Variants in NLRC5 observed in about 807,000 individuals in gnomAD.
NLRC5 encodes NLR family CARD domain containing 5, also known as protein NLRC5.
A neutral mutation model predicts 206.9 loss-of-function variants in NLRC5; 114 were observed. That is an observed-to-expected ratio of 0.55 (90% CI 0.47 to 0.64). The LOEUF (loss-of-function observed/expected upper bound fraction) is 0.64. NLRC5 is among the 30% of genes least tolerant of loss of function. NLRC5 has a pLI of 0.00. For synonymous variants in NLRC5, 952 were observed against 962.8 expected (o/e 0.99, Z 0.21); for missense variants, 2,008 against 2,305.5 (o/e 0.87, Z 2.64).
rs34929916 is a variant in NLRC5, at chr16:57,026,587, A to G, written c.1644A>G (p.Val548=). The change falls in exon 6 of 49, where the codon GTA becomes GTG. Residue 548 remains valine, a synonymous_variant. Coordinates refer to ENST00000688547, the MANE Select transcript of NLRC5 (RefSeq NM_001384950.1). ...TQYVTLHSRW[V]QRTKARLGLS... is the part of the protein sequence containing the mutation. ...ATGTTACCCTCCATTCCCGCTGGGT[A>G]CAGCGGACCAAAGCTAGACTGGGCC... is the stretch of plus-strand genomic sequence containing the variant. 48 of 1,614,056 alleles carry G rather than the reference A, an allele frequency of 3.0e-5. No individual in the cohort carries two copies. The African/African-American group carries it at 6.0e-4, about 20-fold the overall frequency.
chr16:57,071,665 G>A (rs577243470), intron 38 of NLRC5, among the ~76,000 whole-genome samples: 4 of 141,186 alleles, frequency 2.8e-5, no homozygotes, highest in African/African-American at 1.1e-4. Flanking sequence ...AAGGGAGTGA[G>A]TGGTGATGGT....
intron 39 of NLRC5, 67 bp from the exon 40 acceptor site, chr16:57,076,752 T>C: frequency 6.9e-7 from 1 of 1,459,220 alleles, no homozygotes; most frequent in Non-Finnish European, 9.6e-7. Context: ...TGTAGAGTTC[T>C]TAGCACAGCA....
chr16:57,059,106 C>G, intron 29 of NLRC5, 45 bp downstream of exon 29: 1 of 1,612,908 alleles, frequency 6.2e-7, no homozygotes. Context: ...TGCTGGCCAA[C>G]AGGTGCCCCT....
In NLRC5 at chr16:57,023,774, T is replaced by C. The variant is rs374657503; in HGVS notation, c.356-11T>C. ...GACCCCACTCCTCCACCCCTTCCTT[T>C]GCTTTTTCAGGCCTGAAGCGCCCAC... is the stretch of plus-strand genomic sequence containing the variant. On this transcript the variant is annotated splice_polypyrimidine_tract_variant and intron_variant, in intron 4 of 48. Coordinates refer to ENST00000688547, the MANE Select transcript of NLRC5 (RefSeq NM_001384950.1). 2 of 1,608,922 alleles carry C rather than the reference T, an allele frequency of 1.2e-6. No individual in the cohort carries two copies. The highest frequency in any genetic ancestry group is 1.7e-6 in the Non-Finnish European group (2 of 1,177,182).
chr16:57,070,248 G>GGTGTGT (rs36048473), intron 37 of NLRC5, among the ~76,000 whole-genome samples: 3,026 of 149,912 alleles, frequency 0.02, 95 homozygotes, highest in African/African-American at 0.068. Flanking sequence ...AGAACAAGAG[G>GGTGTGT]GTGTGTGTGT....
At chr16:57,077,012 C>T (rs2068486212) in intron 40 of NLRC5, 110 bp downstream of exon 40, 2 of 948,838 alleles carry the variant, frequency 2.1e-6, no homozygotes, top group Non-Finnish European at 3.3e-6. Flanking sequence ...ATCTCCTTCA[C>T]CCACTTCTAC....
intron 3 of NLRC5, 80 bp downstream of exon 3, chr16:57,021,087 C>A: frequency 7.5e-7 from 1 of 1,330,738 alleles, no homozygotes; most frequent in Non-Finnish European, 1.1e-6. Flanking sequence ...CAGGGACCCA[C>A]CTAAGTCAGA....
chr16:57,041,465 G>A lies in NLRC5; in HGVS notation c.2940-20G>A, dbSNP rs754035619. On this transcript the variant is annotated intron_variant, in intron 17 of 48. Coordinates refer to ENST00000688547, the MANE Select transcript of NLRC5 (RefSeq NM_001384950.1). The stretch of plus-strand genomic sequence containing the variant: ...TCTGTTCAGTGGGGCATGCAGCACT[G>A]TGTTTTTGTCCCTGGGCAGGCTGAC... 5 of 1,599,292 alleles carry A rather than the reference G, an allele frequency of 3.1e-6. No individual in the cohort carries two copies. Among genetic ancestry groups the A allele is most frequent in the Non-Finnish European group, 4.3e-6 (5 of 1,170,016 alleles).
chr16:57,014,348 C>A (rs1185919025), intron 1 of NLRC5, among the ~76,000 whole-genome samples: 1 of 152,124 alleles, frequency 6.6e-6, no homozygotes, highest in African/African-American at 2.4e-5. Flanking sequence ...ATCCAAGAAT[C>A]TTAAAGTTTG....
intron 20 of NLRC5, chr16:57,043,951 C>T (rs915758251): frequency 6.5e-6 from 2 of 307,448 alleles, no homozygotes; most frequent in African/African-American, 2.2e-5. Context: ...GCACAACATA[C>T]AGGTTTGTTA....
At chr16:56,991,803 C>T (rs2056909769) in intron 1 of NLRC5, 1 of 150,674 alleles carries the variant, frequency 6.6e-6, no homozygotes, top group Non-Finnish European at 1.5e-5. Context: ...CCAGCCATAA[C>T]TTCTTAGCAT....
chr16:57,008,275 G>C (rs2059135209), intron 1 of NLRC5, among the ~76,000 whole-genome samples: 1 of 152,076 alleles, frequency 6.6e-6, no homozygotes, highest in Admixed American at 6.5e-5. Context: ...TTTTGTTTGA[G>C]CACTTACATT....
chr16:57,058,818 T>G (rs574869631), intron 28 of NLRC5, among the ~76,000 whole-genome samples, 154 bp from the exon 29 acceptor site: 2 of 152,286 alleles, frequency 1.3e-5, no homozygotes, highest in East Asian at 3.9e-4. Flanking sequence ...ATGGTATCCT[T>G]CTGGGCCTCA....
chr16:57,041,635 G>T, intron 18 of NLRC5, 61 bp downstream of exon 18: 1 of 1,403,420 alleles, frequency 7.1e-7, no homozygotes, highest in Non-Finnish European at 1.0e-6. Flanking sequence ...GTTAGTGTTG[G>T]TGTTTGGGTT....
At chr16:57,079,013 TCCC>T in intron 43 of NLRC5, 34 bp from the exon 44 acceptor site, 1 of 1,582,702 alleles carries the variant, frequency 6.3e-7, no homozygotes, top group Non-Finnish European at 8.7e-7. Flanking sequence ...GAAACGCCAG[TCCC>T]TCAGGCTCCT....
In NLRC5 at chr16:57,078,470, T is replaced by TTTTTTTG. The variant is rs1273337170; in HGVS notation, c.5081+456_5081+457insGTTTTTT. Among the ~76,000 whole-genome samples, 3,522 of 128,762 alleles carry TTTTTTTG rather than the reference T, an allele frequency of 0.027. 338 individuals carry two copies. In the East Asian group the frequency reaches 0.34, roughly 12 times the overall value. 84.5% of individuals were successfully genotyped at this position (128,762 alleles called of 152,430 possible). ...GTCCCAGAGTGCTGGGACCTTGTTT[T>TTTTTTTG]TTTTTTTTTTTTTTTTTTTTAGATG... On this transcript the variant is annotated intron_variant, in intron 43 of 48. Coordinates refer to ENST00000688547, the MANE Select transcript of NLRC5 (RefSeq NM_001384950.1).
intron 11 of NLRC5, 108 bp from the exon 12 acceptor site, chr16:57,033,496 T>G: frequency 2.0e-6 from 2 of 979,226 alleles, no homozygotes; most frequent in Non-Finnish European, 3.3e-6. Context: ...CCGACTCACT[T>G]TGGGTTGTGC....
chr16:57,042,776 A>T (rs951111170), intron 19 of NLRC5, among the ~76,000 whole-genome samples: 1 of 152,154 alleles, frequency 6.6e-6, no homozygotes, highest in African/African-American at 2.4e-5. Flanking sequence ...CATAAATTGC[A>T]GGCGTGGCCT....
chr16:57,082,841 A>C lies in NLRC5; in HGVS notation c.*313A>C. On this transcript the variant is annotated 3_prime_UTR_variant, in exon 49 of 49. Coordinates refer to ENST00000688547, the MANE Select transcript of NLRC5 (RefSeq NM_001384950.1). ...TTATATGTGGCAGTGTGACCCCTTG[A>C]CATGTGGCGTTACATGAAAGTCAGT... 1 of 248,552 alleles carries C rather than the reference A, an allele frequency of 4.0e-6. No individual in the cohort carries two copies. The highest frequency in any genetic ancestry group is 7.7e-6 in the Non-Finnish European group (1 of 129,272). 15.4% of individuals were successfully genotyped at this position (248,552 alleles called of 1,614,324 possible).
Sources: gnomAD v4.1 joint callset for allele counts (sites outside exome capture counted in the v4.1 genomes callset) on GRCh38, gnomAD v4.1.1 for gene constraint, MANE v1.5 for transcripts, NCBI Gene and HGNC (gene_info 2026-07-23, HGNC 2026-07-21) for gene names.